The following CLSTN2 variants were observed in gnomAD, a reference collection of about 807,000 sequenced individuals.
CLSTN2 encodes the protein calsyntenin-2.
In CLSTN2, 48 loss-of-function variants were observed where a neutral mutation model predicts 101.2. That is an observed-to-expected ratio of 0.47 (90% confidence interval 0.38 to 0.60). The LOEUF (loss-of-function observed/expected upper bound fraction) is 0.60. Among genes scored for constraint, CLSTN2 ranks in the 20% least tolerant of loss-of-function variants. The probability of loss-of-function intolerance (pLI) is 0.00; values close to 1 mark genes in which losing one functional copy is unlikely to be tolerated. For synonymous variants in CLSTN2, 481 were observed against 463.6 expected (o/e 1.04, Z -0.48); for missense variants, 1,160 against 1,238.2 (o/e 0.94, Z 0.95).
At chr3:140,153,210 G>A (rs1257711529) in intron 1 of CLSTN2, among the ~76,000 whole-genome samples, 2 of 152,222 alleles carry the variant, frequency 1.3e-5, no homozygotes, top group Non-Finnish European at 2.9e-5. Flanking sequence ...AGCTTGTGTA[G>A]CCAGGGGCTG....
At chr3:140,242,281 A>G (rs2086477191) in intron 2 of CLSTN2, among the ~76,000 whole-genome samples, 1 of 152,164 alleles carries the variant, frequency 6.6e-6, no homozygotes, top group South Asian at 2.1e-4. Flanking sequence ...TTTACTTGAG[A>G]AAGACTAACA....
chr3:140,392,449 T>A (rs2088126076), intron 2 of CLSTN2, among the ~76,000 whole-genome samples: 1 of 152,182 alleles, frequency 6.6e-6, no homozygotes, highest in Admixed American at 6.5e-5. Context: ...TTAGAGTTTA[T>A]GTAATTTATA....
rs573582969 is a variant in CLSTN2, at chr3:140,357,570, G to T, written c.233-46059G>T. On this transcript the variant is annotated intron_variant, in intron 2 of 16. Coordinates refer to ENST00000458420, the MANE Select transcript of CLSTN2 (RefSeq NM_022131.3). The stretch of plus-strand genomic sequence containing the variant: ...ACCTGGAGTGCTCACTTTAGCACTC[G>T]CCCTGTTGACCCAAGATGGTCCCTT... Among the ~76,000 whole-genome samples, 6 of 152,074 alleles carry T rather than the reference G, an allele frequency of 3.9e-5. No homozygotes were observed. In the South Asian group the frequency reaches 1.2e-3, roughly 32 times the overall value.
At chr3:140,041,961 CGTTT>C (rs1322914658) in intron 1 of CLSTN2, among the ~76,000 whole-genome samples, 37 of 152,218 alleles carry the variant, frequency 2.4e-4, no homozygotes, top group African/African-American at 8.4e-4. Flanking sequence ...CCCTAGTCTT[CGTTT>C]GTTTATTTTC....
chr3:140,501,331 C>A (rs999166894), intron 8 of CLSTN2, among the ~76,000 whole-genome samples: 2 of 152,200 alleles, frequency 1.3e-5, no homozygotes, highest in African/African-American at 4.8e-5. Flanking sequence ...CTTCAATGGC[C>A]ACCACACAAG....
intron 1 of CLSTN2, among the ~76,000 whole-genome samples, chr3:140,143,036 T>G (rs998764254): frequency 6.6e-6 from 1 of 152,184 alleles, no homozygotes; most frequent in Non-Finnish European, 1.5e-5. Context: ...TTGATGGGGA[T>G]AATAATACCC....
At chr3:140,276,767 T>C (rs1028591653) in intron 2 of CLSTN2, among the ~76,000 whole-genome samples, 4 of 152,212 alleles carry the variant, frequency 2.6e-5, no homozygotes, top group Non-Finnish European at 5.9e-5. Context: ...TGGTCTCCAG[T>C]ATCACATAGA....
chr3:140,495,647 G>T (rs559708352), intron 8 of CLSTN2, among the ~76,000 whole-genome samples: 1 of 152,150 alleles, frequency 6.6e-6, no homozygotes, highest in Non-Finnish European at 1.5e-5. Context: ...GTATAAAGGT[G>T]TAAGGAAGGG....
At chr3:140,411,784 C>G (rs149070214) in intron 4 of CLSTN2, among the ~76,000 whole-genome samples, 1 of 152,170 alleles carries the variant, frequency 6.6e-6, no homozygotes, top group Admixed American at 6.5e-5. Flanking sequence ...AGGATCCCTT[C>G]GAGGCAGCCT....
chr3:140,186,090 T>G (rs1428454998), intron 2 of CLSTN2, among the ~76,000 whole-genome samples: 1 of 152,102 alleles, frequency 6.6e-6, no homozygotes, highest in Admixed American at 6.5e-5. Context: ...CCAAGAAAGC[T>G]CAGATAAGAT....
chr3:140,398,937 C>T (rs1235265570), intron 2 of CLSTN2, among the ~76,000 whole-genome samples: 3 of 152,158 alleles, frequency 2.0e-5, no homozygotes, highest in African/African-American at 7.2e-5. Flanking sequence ...ACTGAGGGTC[C>T]GGAGTGGTCA....
chr3:140,299,990 G>A (rs1011374790), intron 2 of CLSTN2, among the ~76,000 whole-genome samples: 7 of 152,278 alleles, frequency 4.6e-5, no homozygotes, highest in African/African-American at 1.7e-4. Context: ...GCCTTTTGAT[G>A]AAAAGAATAA....
At chr3:140,164,507 A>T (rs1012724442) in intron 1 of CLSTN2, among the ~76,000 whole-genome samples, 2 of 152,156 alleles carry the variant, frequency 1.3e-5, no homozygotes, top group African/African-American at 2.4e-5. Context: ...TGTAAAAGAG[A>T]GTGGAGGCCT....
intron 5 of CLSTN2, among the ~76,000 whole-genome samples, chr3:140,433,065 A>G (rs894095198): frequency 4.6e-5 from 7 of 152,208 alleles, no homozygotes; most frequent in Non-Finnish European, 1.0e-4. Flanking sequence ...ATCCTGCCCA[A>G]TTTCCTACAA....
chr3:140,485,193 A>G, intron 8 of CLSTN2, among the ~76,000 whole-genome samples: 1 of 152,244 alleles, frequency 6.6e-6, no homozygotes, highest in Middle Eastern at 3.2e-3. Context: ...CCTCAGCCAC[A>G]GGTCTGTTGG....
At chr3:139,997,700 T>C (rs1337738126) in intron 1 of CLSTN2, among the ~76,000 whole-genome samples, 2 of 152,192 alleles carry the variant, frequency 1.3e-5, no homozygotes, top group African/African-American at 4.8e-5. Flanking sequence ...CTATTTTCTT[T>C]CAAATACACA....
chr3:140,562,522 G>T (rs1462385097), intron 13 of CLSTN2, among the ~76,000 whole-genome samples: 1 of 152,102 alleles, frequency 6.6e-6, no homozygotes, highest in East Asian at 1.9e-4. Context: ...CTCCTGGGGA[G>T]TTCTTTTGTA....
chr3:140,438,862 A>T (rs1559869914), intron 5 of CLSTN2, among the ~76,000 whole-genome samples: 1 of 152,072 alleles, frequency 6.6e-6, no homozygotes, highest in African/African-American at 2.4e-5. Flanking sequence ...TCTGTTTGGG[A>T]GCTGAGAAGG....
At chr3:140,138,492 C>T (rs1431516336) in intron 1 of CLSTN2, among the ~76,000 whole-genome samples, 2 of 152,154 alleles carry the variant, frequency 1.3e-5, no homozygotes, top group Non-Finnish European at 2.9e-5. Context: ...GGAGGTAGCA[C>T]AGTTGGCAAG....
Sources: gnomAD v4.1 joint callset for allele counts (sites outside exome capture counted in the v4.1 genomes callset) on GRCh38, gnomAD v4.1.1 for gene constraint, MANE v1.5 for transcripts, NCBI Gene and HGNC (gene_info 2026-07-23, HGNC 2026-07-21) for gene names.